ELAVL4: variants seen among roughly 807,000 people sequenced by gnomAD.
ELAVL4 encodes the protein ELAV like RNA binding protein 4, also known as ELAV-like protein 4.
Under a neutral mutation model 35.6 loss-of-function variants are expected in ELAVL4, and 1 was observed. That is an observed-to-expected ratio of 0.03 (90% confidence interval 0.01 to 0.13). ELAVL4 has a LOEUF of 0.13. Ranked by LOEUF, ELAVL4 falls within the 10% of genes least tolerant of loss-of-function variation. The probability of loss-of-function intolerance (pLI) is 1.00; values close to 1 mark genes in which losing one functional copy is unlikely to be tolerated. For missense variants in ELAVL4, 267 were observed against 464.9 expected, an observed-to-expected ratio of 0.57 and a Z score of 3.91; for synonymous variants, 156 against 171.0, an observed-to-expected ratio of 0.91 and a Z score of 0.69.
At chr1:50,065,379 C>T (rs1664210404) in intron 1 of ELAVL4, among the ~76,000 whole-genome samples, 1 of 152,150 alleles carries the variant, frequency 6.6e-6, no homozygotes, top group African/African-American at 2.4e-5. Context: ...AGATTAAGTG[C>T]TGCTCTGAGG....
At chr1:50,057,641 A>T (rs902660439) in intron 1 of ELAVL4, among the ~76,000 whole-genome samples, 1 of 152,234 alleles carries the variant, frequency 6.6e-6, no homozygotes, top group African/African-American at 2.4e-5. Flanking sequence ...AGTATTAACT[A>T]GTCACATGCT....
At position 50,127,464 on chromosome 1, in the gene ELAVL4, G is replaced by C. The variant is rs932232106; in HGVS notation, c.10-17493G>C. 3.9e-5 allele frequency among the ~76,000 whole-genome samples: 6 copies of C among 152,088 alleles called. 1 individual carries two copies. Among genetic ancestry groups the C allele is most frequent in the Admixed American group, 3.9e-4 (6 of 15,256 alleles). On this transcript the variant is annotated intron_variant, in intron 1 of 6. Transcript: ENST00000371824. The stretch of plus-strand genomic sequence containing the variant: ...GGTAATTTAGATGGTGATGGCGAAA[G>C]CATTTCAGTGGACATATATGCAAAG...
chr1:50,114,739 G>A (rs1274470221), intron 1 of ELAVL4, among the ~76,000 whole-genome samples: 2 of 152,050 alleles, frequency 1.3e-5, no homozygotes, highest in African/African-American at 2.4e-5. Flanking sequence ...AGTTTGGGAT[G>A]CTAGCTGGGG....
intron 1 of ELAVL4, among the ~76,000 whole-genome samples, chr1:50,083,624 A>G (rs759633412): frequency 6.6e-6 from 1 of 152,232 alleles, no homozygotes; most frequent in Non-Finnish European, 1.5e-5. Context: ...GTCATTAAAC[A>G]TAAAATTTGG....
intron 1 of ELAVL4, among the ~76,000 whole-genome samples, chr1:50,076,610 C>T (rs1174957707): frequency 6.6e-6 from 1 of 152,044 alleles, no homozygotes; most frequent in African/African-American, 2.4e-5. Flanking sequence ...TTGCATATTC[C>T]AAGGGTCCTG....
chr1:50,187,469 T>C (rs556094613), intron 3 of ELAVL4, among the ~76,000 whole-genome samples: 1 of 152,216 alleles, frequency 6.6e-6, no homozygotes, highest in South Asian at 2.1e-4. Flanking sequence ...AAAGGTTAAG[T>C]GACTCACCCC....
intron 3 of ELAVL4, among the ~76,000 whole-genome samples, chr1:50,186,405 A>G (rs1681831127): frequency 6.6e-6 from 1 of 152,176 alleles, no homozygotes; most frequent in South Asian, 2.1e-4. Context: ...GTGTTATCAC[A>G]CTTGTAGTGC....
In ELAVL4 at chr1:50,196,108, A is replaced by G. The variant is rs553934330; in HGVS notation, c.734+322A>G. Among the ~76,000 whole-genome samples, 19 of 152,376 alleles carry G rather than the reference A, an allele frequency of 1.2e-4. No individual in the cohort carries two copies. The South Asian group carries it at 1.7e-3, about 13-fold the overall frequency. On this transcript the variant is annotated intron_variant, in intron 5 of 6. Transcript: ENST00000371824. ...TAATCACAGATCAGTGACCACATTC[A>G]GCAGATTAGACTTAAGGCTGGACAG...
In ELAVL4 at chr1:50,197,416, C is replaced by T; in HGVS notation, c.735-13C>T. On this transcript the variant is annotated splice_polypyrimidine_tract_variant and intron_variant, in intron 5 of 6. Transcript: ENST00000371824. ...GTGAGGCATTAACCCAGAGACCCTCCTTCTCTTTGCAGGCTGGACAATTTG... is the reference window on the plus strand; with the variant it reads ...GTGAGGCATTAACCCAGAGACCCTCTTTCTCTTTGCAGGCTGGACAATTTG... The T allele has an allele frequency of 2.5e-6, 4 of 1,590,728 alleles. No individual in the cohort carries two copies. The highest frequency in any genetic ancestry group is 3.4e-6 in the Non-Finnish European group (4 of 1,171,972).
chr1:50,058,139 C>A (rs572712514), intron 1 of ELAVL4, among the ~76,000 whole-genome samples: 149 of 152,282 alleles, frequency 9.8e-4, no homozygotes, highest in African/African-American at 3.2e-3. Context: ...AGTGCTATGT[C>A]CCTCTAATCA....
intron 2 of ELAVL4, chr1:50,175,401 CA>C (rs1679834022): frequency 2.6e-5 from 4 of 151,770 alleles, no homozygotes; most frequent in Non-Finnish European, 5.9e-5. Context: ...CACACACACA[CA>C]CACACACACA....
intron 2 of ELAVL4, among the ~76,000 whole-genome samples, chr1:50,150,504 C>T (rs1674589269): frequency 1.3e-5 from 2 of 152,168 alleles, no homozygotes; most frequent in Admixed American, 6.6e-5. Flanking sequence ...CAATCCTGAG[C>T]GTGTCTCTCT....
upstream of ELAVL4, among the ~76,000 whole-genome samples, chr1:50,108,452 A>G (rs1666547996): frequency 6.6e-6 from 1 of 152,206 alleles, no homozygotes; most frequent in African/African-American, 2.4e-5. Flanking sequence ...TTGTACCTTT[A>G]AGCCTACAGG....
At chr1:50,081,849 G>A (rs1665024069) in intron 1 of ELAVL4, among the ~76,000 whole-genome samples, 1 of 151,904 alleles carries the variant, frequency 6.6e-6, no homozygotes, top group East Asian at 1.9e-4. Flanking sequence ...CCCCTGACAG[G>A]CCCTGGTGTG....
chr1:50,077,588 T>C (rs1664820328), intron 1 of ELAVL4, among the ~76,000 whole-genome samples: 1 of 152,180 alleles, frequency 6.6e-6, no homozygotes, highest in Non-Finnish European at 1.5e-5. Flanking sequence ...CTCACAGACA[T>C]ATCTAAATAA....
At chr1:50,171,901 G>A (rs1260281134) in intron 2 of ELAVL4, among the ~76,000 whole-genome samples, 1 of 152,160 alleles carries the variant, frequency 6.6e-6, no homozygotes, top group Admixed American at 6.5e-5. Context: ...AGGTAATTTT[G>A]AGGTGACTGG....
chr1:50,130,676 T>C (rs1020601955), intron 1 of ELAVL4, among the ~76,000 whole-genome samples: 1 of 152,216 alleles, frequency 6.6e-6, no homozygotes, highest in South Asian at 2.1e-4. Context: ...ATTTCTTATT[T>C]ACTTATTTAT....
At chr1:50,049,070 G>A (rs997489569) in intron 1 of ELAVL4, among the ~76,000 whole-genome samples, 1 of 152,164 alleles carries the variant, frequency 6.6e-6, no homozygotes, top group African/African-American at 2.4e-5. Flanking sequence ...TTCCAGGTTT[G>A]GGGGAAAATG....
At chr1:50,059,308 T>A (rs1663838979) in intron 1 of ELAVL4, among the ~76,000 whole-genome samples, 1 of 152,222 alleles carries the variant, frequency 6.6e-6, no homozygotes, top group Non-Finnish European at 1.5e-5. Context: ...ATGCACGGAC[T>A]TAGTGGAGCT....
Sources: gnomAD v4.1 joint callset for allele counts (sites outside exome capture counted in the v4.1 genomes callset) on GRCh38, gnomAD v4.1.1 for gene constraint, MANE v1.5 for transcripts, NCBI Gene and HGNC (gene_info 2026-07-23, HGNC 2026-07-21) for gene names.